Variants in FAM135B observed in about 807,000 individuals in gnomAD.
FAM135B encodes the protein protein FAM135B.
A neutral mutation model predicts 127.7 loss-of-function variants in FAM135B; 43 were observed. That is an observed-to-expected ratio of 0.34 (90% confidence interval 0.26 to 0.43). FAM135B has a LOEUF of 0.43. Among genes scored for constraint, FAM135B ranks in the 20% least tolerant of loss-of-function variants. FAM135B has a pLI of 1.00. For synonymous variants in FAM135B, 670 were observed against 665.1 expected (o/e 1.01, Z -0.11); for missense variants, 1,558 against 1,725.6 (o/e 0.90, Z 1.72).
chr8:138,471,131 T>G (rs2131648045), intron 1 of FAM135B, among the ~76,000 whole-genome samples: 1 of 152,286 alleles, frequency 6.6e-6, no homozygotes. Flanking sequence ...GGGCAGGATA[T>G]CGTCTCCATT....
chr8:138,421,273 A>G (rs1289866026), intron 1 of FAM135B, among the ~76,000 whole-genome samples: 3 of 152,206 alleles, frequency 2.0e-5, no homozygotes, highest in African/African-American at 7.2e-5. Flanking sequence ...CGATTGCACC[A>G]CTGCATTCCA....
intron 1 of FAM135B, among the ~76,000 whole-genome samples, chr8:138,415,493 AT>A (rs774554215): frequency 1.3e-5 from 2 of 152,146 alleles, no homozygotes; most frequent in Non-Finnish European, 2.9e-5. Flanking sequence ...AGCTCTCTCA[AT>A]TTAGAGTTTG....
chr8:138,317,115 C>A (rs1050482398), intron 2 of FAM135B, among the ~76,000 whole-genome samples: 1 of 152,074 alleles, frequency 6.6e-6, no homozygotes, highest in Non-Finnish European at 1.5e-5. Flanking sequence ...ATCCACAATA[C>A]TAAAAACTGA....
At chr8:138,489,386 T>G (rs1815116505) in intron 1 of FAM135B, among the ~76,000 whole-genome samples, 1 of 152,198 alleles carries the variant, frequency 6.6e-6, no homozygotes, top group Non-Finnish European at 1.5e-5. Context: ...TTTCTCAAGT[T>G]GGTCCTCCTG....
chr8:138,222,264 G>A (rs1819078828), intron 7 of FAM135B, among the ~76,000 whole-genome samples: 2 of 152,162 alleles, frequency 1.3e-5, no homozygotes, highest in African/African-American at 2.4e-5. Context: ...AGATAAAAGG[G>A]GTATAACAGG....
rs2130540987 is a variant in FAM135B at position 138,137,225 on chromosome 8, A to G, written c.3937T>C (p.Ser1313Pro). ...AATGGCACATAACGGTCTTGGGGAG[A>G]AGCAACCAGCACGACGTTTTTAAAA... ...QYFKNVVLVA[S>P]PQDRYVPFHS... The change falls in exon 19 of 20, where the codon TCT (serine) becomes CCT (proline). Residue 1313 changes from serine to proline, a missense_variant. Physicochemically the swap from Ser to Pro is moderately conservative, Grantham distance 74. Coordinates refer to ENST00000395297, the MANE Select transcript of FAM135B (RefSeq NM_015912.4). 1.2e-6 allele frequency: 2 copies of G among 1,611,940 alleles called. No individual in the cohort carries two copies. The highest frequency in any genetic ancestry group is 1.7e-6 in the Non-Finnish European group (2 of 1,178,016).
rs532070279 is a variant in FAM135B at position 138,476,554 on chromosome 8, A to G, written c.-20+20117T>C. On this transcript the variant is annotated intron_variant, in intron 1 of 19. Transcript: ENST00000395297. ...AAGTCTATTAAAAACAGAAAAGGAAATAAACACAAAATAGCCTTTCATCTA... is the reference window on the plus strand; with the variant it reads ...AAGTCTATTAAAAACAGAAAAGGAAGTAAACACAAAATAGCCTTTCATCTA... Among the ~76,000 whole-genome samples, 13 of 152,204 alleles carry G rather than the reference A, an allele frequency of 8.5e-5. No homozygotes were observed. The East Asian group carries it at 2.5e-3, about 29-fold the overall frequency.
chr8:138,400,321 G>A (rs1478763432), intron 1 of FAM135B, among the ~76,000 whole-genome samples: 1 of 152,186 alleles, frequency 6.6e-6, no homozygotes, highest in Non-Finnish European at 1.5e-5. Flanking sequence ...CCCCTGTCTA[G>A]AATGACCTGC....
intron 2 of FAM135B, among the ~76,000 whole-genome samples, chr8:138,323,810 G>GA (rs1244807932): frequency 6.6e-5 from 10 of 152,160 alleles, no homozygotes; most frequent in Non-Finnish European, 1.3e-4. Context: ...TCTGAAAATG[G>GA]AAAACTCAGC....
At chr8:138,409,513 G>T (rs937776860) in intron 1 of FAM135B, among the ~76,000 whole-genome samples, 1 of 152,096 alleles carries the variant, frequency 6.6e-6, no homozygotes, top group Non-Finnish European at 1.5e-5. Context: ...GGTGCCAATA[G>T]ACTTGCTGGA....
At chr8:138,433,523 CAAT>C (rs1444697454) in intron 1 of FAM135B, among the ~76,000 whole-genome samples, 5 of 140,686 alleles carry the variant, frequency 3.6e-5, no homozygotes, top group Non-Finnish European at 7.6e-5. Flanking sequence ...GATTCTGTCT[CAAT>C]AAATAAATAA....
intron 1 of FAM135B, among the ~76,000 whole-genome samples, chr8:138,475,841 A>G (rs1310205756): frequency 6.6e-6 from 1 of 152,200 alleles, no homozygotes; most frequent in Non-Finnish European, 1.5e-5. Flanking sequence ...CTACCTTACA[A>G]TCCAGCAATC....
In FAM135B at chr8:138,137,313, C is replaced by T. The variant is rs1816749511; in HGVS notation, c.3902-53G>A. The stretch of plus-strand genomic sequence containing the variant: ...TTTACCCAGGTAGTTTCAACTTCAA[C>T]ACCCTCTGGAAATTTGCACAAATTT... On this transcript the variant is annotated intron_variant, in intron 18 of 19. Coordinates refer to ENST00000395297, the MANE Select transcript of FAM135B (RefSeq NM_015912.4). The T allele has an allele frequency of 5.1e-6, 5 of 978,590 alleles. No individual in the cohort carries two copies. In the South Asian group the frequency reaches 5.2e-5, roughly 10 times the overall value. The allele number at this position is 978,590 out of a possible 1,614,324, so 60.6% of individuals were successfully genotyped here. A position where few individuals can be genotyped will look rare whatever the true frequency, so the allele number is the denominator to read the frequency against.
intron 2 of FAM135B, among the ~76,000 whole-genome samples, chr8:138,354,442 T>A (rs1044823562): frequency 1.1e-4 from 17 of 152,146 alleles, no homozygotes; most frequent in Non-Finnish European, 2.1e-4. Context: ...CCCCTTCCAG[T>A]CTTTATCTGG....
rs1192621358 is a variant in FAM135B at position 138,243,749 on chromosome 8, A to G, written c.543-681T>C. On this transcript the variant is annotated intron_variant, in intron 6 of 19. Coordinates refer to ENST00000395297, the MANE Select transcript of FAM135B (RefSeq NM_015912.4). This position sits in a 1 kb window ranked among gnomAD's most constrained non-coding sequence, Gnocchi z 7.5. ...TGATTATTCAAATTTATCATATTTGAGTTTATGATCATCTTCCTCTATCTT... is the reference window on the plus strand; with the variant it reads ...TGATTATTCAAATTTATCATATTTGGGTTTATGATCATCTTCCTCTATCTT... Among the ~76,000 whole-genome samples, 1 of 152,216 alleles carries G rather than the reference A, an allele frequency of 6.6e-6. No individual in the cohort carries two copies. Among genetic ancestry groups the G allele is most frequent in the Non-Finnish European group, 1.5e-5 (1 of 68,044 alleles).
chr8:138,448,270 G>GA (rs1157186049), intron 1 of FAM135B, among the ~76,000 whole-genome samples: 1 of 152,054 alleles, frequency 6.6e-6, no homozygotes, highest in Non-Finnish European at 1.5e-5. Flanking sequence ...TTTTGGATGA[G>GA]ATGCACATTT....
intron 7 of FAM135B, among the ~76,000 whole-genome samples, chr8:138,226,184 T>TGTGTGCAC: frequency 7.2e-6 from 1 of 139,202 alleles, no homozygotes; most frequent in African/African-American, 2.7e-5. Context: ...TGTGTGTGTG[T>TGTGTGCAC]GCGCGCATGT....
At chr8:138,340,204 C>A (rs1828946051) in intron 2 of FAM135B, among the ~76,000 whole-genome samples, 1 of 152,156 alleles carries the variant, frequency 6.6e-6, no homozygotes, top group Non-Finnish European at 1.5e-5. Flanking sequence ...AAAGCCCCAT[C>A]ATAATTCATG....
intron 1 of FAM135B, among the ~76,000 whole-genome samples, chr8:138,383,912 C>T (rs935466613): frequency 1.3e-5 from 2 of 152,232 alleles, no homozygotes; most frequent in African/African-American, 2.4e-5. Context: ...TGTCCTGGCA[C>T]CTGCTTCCTC....
Sources: allele counts gnomAD v4.1 joint callset (sites outside exome capture counted in the v4.1 genomes callset), GRCh38; gene constraint gnomAD v4.1.1; non-coding constraint Gnocchi (gnomAD v3.1); transcripts MANE v1.5; gene names NCBI Gene and HGNC (gene_info 2026-07-23, HGNC 2026-07-21).